The following CRPPA variants were observed in gnomAD, a reference collection of about 807,000 sequenced individuals.
CRPPA encodes D-ribitol-5-phosphate cytidylyltransferase.
A neutral mutation model predicts 52.0 loss-of-function variants in CRPPA; 43 were observed. The observed-to-expected ratio is 0.83, with a 90% CI of 0.65 to 1.07. The LOEUF (loss-of-function observed/expected upper bound fraction) is 1.07. CRPPA is among the 50% of genes least tolerant of loss of function. CRPPA has a pLI of 0.00. For missense variants in CRPPA, 629 were observed against 551.7 expected (o/e 1.14, Z -1.40); for synonymous variants, 250 against 203.5 (o/e 1.23, Z -1.94).
chr7:16,383,844 C>A (rs920798423), intron 2 of CRPPA, among the ~76,000 whole-genome samples: 4 of 152,212 alleles, frequency 2.6e-5, no homozygotes, highest in Admixed American at 6.5e-5. Context: ...TTAAGCCCGT[C>A]GGAAAAGCGC....
At chr7:16,170,245 A>G (rs1781151078) in intron 9 of CRPPA, among the ~76,000 whole-genome samples, 2 of 152,212 alleles carry the variant, frequency 1.3e-5, no homozygotes, top group African/African-American at 4.8e-5. Flanking sequence ...ACAATTACAC[A>G]TAATTGATCA....
chr7:16,180,831 T>G (rs931129292), intron 9 of CRPPA, among the ~76,000 whole-genome samples: 1 of 152,100 alleles, frequency 6.6e-6, no homozygotes, highest in Non-Finnish European at 1.5e-5. Flanking sequence ...AATCGAAACA[T>G]TCATAAAACT....
intron 3 of CRPPA, among the ~76,000 whole-genome samples, chr7:16,313,937 T>C (rs1252400416): frequency 5.9e-5 from 9 of 152,002 alleles, no homozygotes; most frequent in South Asian, 2.1e-4. Flanking sequence ...GTCTATCTTG[T>C]TGAATGTTCC....
At chr7:16,214,993 G>A (rs910914540) in intron 9 of CRPPA, among the ~76,000 whole-genome samples, 19 of 152,252 alleles carry the variant, frequency 1.2e-4, no homozygotes, top group African/African-American at 3.8e-4. Context: ...TGATAACTGA[G>A]GTCATGCTTG....
chr7:16,379,898 A>G (rs1255086201), intron 2 of CRPPA, among the ~76,000 whole-genome samples: 15 of 152,166 alleles, frequency 9.9e-5, no homozygotes, highest in Non-Finnish European at 2.1e-4. Context: ...GGCTGAGACA[A>G]TGGGGTTTTC....
At chr7:16,217,197 G>A (rs1583438386) in intron 8 of CRPPA, among the ~76,000 whole-genome samples, 2 of 144,016 alleles carry the variant, frequency 1.4e-5, no homozygotes, top group Admixed American at 1.4e-4. Context: ...ACCTCACACG[G>A]CAGGGTATTC....
At chr7:16,152,630 GTTTTTC>G (rs1435098432) in intron 9 of CRPPA, among the ~76,000 whole-genome samples, 1 of 151,906 alleles carries the variant, frequency 6.6e-6, no homozygotes, top group Non-Finnish European at 1.5e-5. Flanking sequence ...TTTAATCGCT[GTTTTTC>G]TTTTTATAGT....
intron 9 of CRPPA, among the ~76,000 whole-genome samples, chr7:16,154,411 T>G (rs568304776): frequency 1.7e-4 from 26 of 152,266 alleles, no homozygotes; most frequent in Non-Finnish European, 2.8e-4. Flanking sequence ...GTTCTCATTG[T>G]TCAACTCCCA....
intron 3 of CRPPA, among the ~76,000 whole-genome samples, chr7:16,334,116 T>C (rs957463164): frequency 2.0e-5 from 3 of 152,090 alleles, no homozygotes; most frequent in African/African-American, 7.2e-5. Context: ...GTGGTTGCTC[T>C]ACATTCTGGC....
chr7:16,117,839 T>C lies in CRPPA; in HGVS notation c.1252-26040A>G, dbSNP rs75946644. 1.6e-3 allele frequency among the ~76,000 whole-genome samples: 237 copies of C among 152,302 alleles called. 2 individuals are homozygous for C. In the East Asian group the frequency reaches 0.031, roughly 20 times the overall value. Reference sequence around the variant, plus strand: ...CCCATACACGTCAGTTCCAGAGTCCTCAGCCTTGCTCCTCCAAATATGCAA... The same window carrying C: ...CCCATACACGTCAGTTCCAGAGTCCCCAGCCTTGCTCCTCCAAATATGCAA... On this transcript the variant is annotated intron_variant, in intron 9 of 9. Transcript: ENST00000407010.
At chr7:16,248,554 A>C (rs922117102) in intron 8 of CRPPA, among the ~76,000 whole-genome samples, 6 of 152,196 alleles carry the variant, frequency 3.9e-5, no homozygotes, top group African/African-American at 1.4e-4. Flanking sequence ...GGAGTACTCC[A>C]ATGGAAGTAC....
chr7:16,334,712 C>T (rs1308217892), intron 3 of CRPPA, among the ~76,000 whole-genome samples: 2 of 152,130 alleles, frequency 1.3e-5, no homozygotes, highest in African/African-American at 4.8e-5. Context: ...AGAGCACAGT[C>T]AGCAATACTA....
intron 3 of CRPPA, among the ~76,000 whole-genome samples, chr7:16,363,153 C>T (rs1239812886): frequency 6.6e-6 from 1 of 152,136 alleles, no homozygotes. Flanking sequence ...CCTAAAGAAG[C>T]TCCAAGTTTA....
intron 8 of CRPPA, among the ~76,000 whole-genome samples, chr7:16,245,817 C>A (rs184239832): frequency 7.9e-5 from 12 of 152,282 alleles, no homozygotes; most frequent in Admixed American, 7.2e-4. Context: ...TCATCCGTTA[C>A]GTGCACAATA....
In CRPPA at chr7:16,278,234, T is replaced by TAA. The variant is rs3839757; in HGVS notation, c.836-10_836-9dup. ...TCTCTTGGGAAATTCTCTCTGAAATTAAAAAAAAAAAGTTTTAAGTTTCAA... is the reference window on the plus strand; with the variant it reads ...TCTCTTGGGAAATTCTCTCTGAAATTAAAAAAAAAAAAAGTTTTAAGTTTCAA... On this transcript the variant is annotated splice_polypyrimidine_tract_variant and intron_variant, in intron 5 of 9. Transcript: ENST00000407010. 2.2e-4 allele frequency: 264 copies of TAA among 1,216,288 alleles called. No individual in the cohort carries two copies. The highest frequency in any genetic ancestry group is 4.7e-4 in the African/African-American group (30 of 64,124). 75.3% of individuals were successfully genotyped at this position (1,216,288 alleles called of 1,614,324 possible).
intron 8 of CRPPA, among the ~76,000 whole-genome samples, chr7:16,240,765 G>C (rs1237053829): frequency 6.6e-6 from 1 of 152,084 alleles, no homozygotes; most frequent in Non-Finnish European, 1.5e-5. Flanking sequence ...AGTAATAATA[G>C]AGTTAACAGA....
At chr7:16,266,482 C>CTT (rs71549980) in intron 6 of CRPPA, among the ~76,000 whole-genome samples, 43 of 142,886 alleles carry the variant, frequency 3.0e-4, no homozygotes, top group Non-Finnish European at 3.3e-4. Context: ...TTTTGTTTTT[C>CTT]TTTTTTTTTT....
chr7:16,131,265 C>T (rs116144452), intron 9 of CRPPA, among the ~76,000 whole-genome samples: 111 of 151,998 alleles, frequency 7.3e-4, no homozygotes, highest in Middle Eastern at 3.4e-3. Flanking sequence ...CATGAACAGA[C>T]CATTAGAGGC....
chr7:16,399,857 T>C (rs1357494396), intron 2 of CRPPA, among the ~76,000 whole-genome samples: 2 of 152,076 alleles, frequency 1.3e-5, no homozygotes, highest in Non-Finnish European at 2.9e-5. Context: ...AGACACCTGA[T>C]TGACACATGA....
Sources: allele counts gnomAD v4.1 joint callset (sites outside exome capture counted in the v4.1 genomes callset), GRCh38; gene constraint gnomAD v4.1.1; transcripts MANE v1.5; gene names NCBI Gene and HGNC (gene_info 2026-07-23, HGNC 2026-07-21).